TRPC6: variants seen among roughly 807,000 people sequenced by gnomAD.
TRPC6 encodes the protein transient receptor potential cation channel subfamily C member 6, also known as short transient receptor potential channel 6.
Under a neutral mutation model 90.7 loss-of-function variants are expected in TRPC6, and 55 were observed. That is an observed-to-expected ratio of 0.61 (90% CI 0.49 to 0.76). The LOEUF is 0.76. TRPC6 is among the 30% of genes least tolerant of loss of function. The pLI is 0.00. For synonymous variants in TRPC6, 393 were observed against 393.0 expected (o/e 1.00, Z 0.00); for missense variants, 989 against 1,122.7 (o/e 0.88, Z 1.70).
At chr11:101,563,645 T>C (rs1398311371) in intron 1 of TRPC6, among the ~76,000 whole-genome samples, 1 of 152,002 alleles carries the variant, frequency 6.6e-6, no homozygotes, top group Non-Finnish European at 1.5e-5. Context: ...TCAGTATGAA[T>C]GGAGTGAGGA....
At chr11:101,535,872 C>T (rs530154478) in intron 1 of TRPC6, among the ~76,000 whole-genome samples, 3 of 152,276 alleles carry the variant, frequency 2.0e-5, no homozygotes, top group African/African-American at 7.2e-5. Context: ...TAGATGACAT[C>T]ATGCTTGATT....
chr11:101,522,357 C>A (rs1211961649), intron 1 of TRPC6, among the ~76,000 whole-genome samples: 1 of 152,174 alleles, frequency 6.6e-6, no homozygotes, highest in Non-Finnish European at 1.5e-5. Context: ...GTGCCTGCTT[C>A]GCCTTGCCTT....
intron 1 of TRPC6, among the ~76,000 whole-genome samples, chr11:101,580,302 T>A (rs1160950441): frequency 6.6e-6 from 1 of 152,180 alleles, no homozygotes; most frequent in East Asian, 1.9e-4. Context: ...AAAGGAAATC[T>A]GAAATGCCTC....
chr11:101,480,020 A>G (rs1487779381), intron 5 of TRPC6, among the ~76,000 whole-genome samples: 1 of 152,116 alleles, frequency 6.6e-6, no homozygotes. Flanking sequence ...CTCTATTAAA[A>G]GTACAAAATT....
At chr11:101,487,975 A>G (rs1291257281) in intron 4 of TRPC6, among the ~76,000 whole-genome samples, 1 of 152,206 alleles carries the variant, frequency 6.6e-6, no homozygotes, top group Non-Finnish European at 1.5e-5. Flanking sequence ...TATGTTAGTA[A>G]TGGTGATGTT....
chr11:101,464,944 C>T (rs1419285130), intron 10 of TRPC6, among the ~76,000 whole-genome samples: 1 of 152,140 alleles, frequency 6.6e-6, no homozygotes, highest in African/African-American at 2.4e-5. Context: ...TTTTCCTTTC[C>T]ATACTTAGTG....
At chr11:101,518,813 A>T (rs1232631029) in intron 1 of TRPC6, among the ~76,000 whole-genome samples, 3 of 152,246 alleles carry the variant, frequency 2.0e-5, no homozygotes, top group African/African-American at 7.2e-5. Context: ...AAATGAATGG[A>T]TGAAGAAAAT....
chr11:101,482,618 G>A (rs1344450851), intron 5 of TRPC6, among the ~76,000 whole-genome samples: 1 of 152,166 alleles, frequency 6.6e-6, no homozygotes. Context: ...TAAAATTGTG[G>A]TTGTGTTTAA....
At chr11:101,455,995 A>G (rs1331962614) in intron 10 of TRPC6, among the ~76,000 whole-genome samples, 1 of 152,128 alleles carries the variant, frequency 6.6e-6, no homozygotes, top group Non-Finnish European at 1.5e-5. Context: ...TTAATAATAA[A>G]CAATATATAA....
intron 1 of TRPC6, among the ~76,000 whole-genome samples, chr11:101,550,615 T>C (rs755823023): frequency 9.2e-5 from 14 of 151,676 alleles, no homozygotes; most frequent in Non-Finnish European, 1.8e-4. Context: ...TAAGCACTAA[T>C]AAATAAGGAT....
chr11:101,523,523 A>G (rs1215929239), intron 1 of TRPC6, among the ~76,000 whole-genome samples: 1 of 152,260 alleles, frequency 6.6e-6, no homozygotes, highest in African/African-American at 2.4e-5. Context: ...TTTTAAATCA[A>G]TAATAGCAGA....
intron 4 of TRPC6, among the ~76,000 whole-genome samples, chr11:101,485,838 T>C (rs930762466): frequency 1.3e-5 from 2 of 152,062 alleles, no homozygotes; most frequent in Admixed American, 1.3e-4. Context: ...GCCACAAATC[T>C]GAAAACTCTG....
chr11:101,544,353 C>T (rs1393124922), intron 1 of TRPC6, among the ~76,000 whole-genome samples: 1 of 152,132 alleles, frequency 6.6e-6, no homozygotes, highest in Non-Finnish European at 1.5e-5. Context: ...CTAGAAATAC[C>T]ATTTGACTCA....
At chr11:101,476,244 T>C in intron 6 of TRPC6, 57 bp downstream of exon 6, 1 of 1,439,732 alleles carries the variant, frequency 6.9e-7, no homozygotes. Context: ...ACTACTGACA[T>C]CTGTTTTACA....
chr11:101,539,756 A>G (rs7108296), intron 1 of TRPC6, among the ~76,000 whole-genome samples: 38,296 of 152,152 alleles, frequency 0.25, 5,004 homozygotes, highest in African/African-American at 0.29. Flanking sequence ...TCTAATGGCA[A>G]TTGTCTTTAT....
At chr11:101,580,110 A>G (rs138776150) in intron 1 of TRPC6, among the ~76,000 whole-genome samples, 21 of 152,252 alleles carry the variant, frequency 1.4e-4, no homozygotes, top group African/African-American at 5.1e-4. Context: ...CCAGTGCTTT[A>G]GTTTACAGTT....
chr11:101,501,000 A>G (rs558295408), intron 2 of TRPC6, among the ~76,000 whole-genome samples: 1 of 152,288 alleles, frequency 6.6e-6, no homozygotes, highest in East Asian at 1.9e-4. Flanking sequence ...ATACTCACAG[A>G]AGACAAAAAA....
chr11:101,512,664 C>T (rs924607303), intron 1 of TRPC6, among the ~76,000 whole-genome samples: 1 of 152,060 alleles, frequency 6.6e-6, no homozygotes, highest in Non-Finnish European at 1.5e-5. Flanking sequence ...AGAACTGAGT[C>T]CTTGGGGATC....
intron 1 of TRPC6, among the ~76,000 whole-genome samples, chr11:101,581,957 T>G (rs942560062): frequency 2.0e-4 from 30 of 152,312 alleles, no homozygotes; most frequent in Middle Eastern, 3.4e-3. Context: ...ATTTAACACA[T>G]CAAGTGTAAG....
Sources: allele counts gnomAD v4.1 joint callset (sites outside exome capture counted in the v4.1 genomes callset), GRCh38; gene constraint gnomAD v4.1.1; transcripts MANE v1.5; gene names NCBI Gene and HGNC (gene_info 2026-07-23, HGNC 2026-07-21).